Variants in HDAC9 observed in about 807,000 individuals in gnomAD.
The protein encoded by HDAC9 is histone deacetylase 9.
In HDAC9, 41 loss-of-function variants were observed where a neutral mutation model predicts 139.4. The ratio of observed to expected loss-of-function variants is 0.29; its 90% confidence interval spans 0.23 to 0.38. HDAC9 has a LOEUF of 0.38. Ranked by LOEUF, HDAC9 falls within the 10% of genes least tolerant of loss-of-function variation. The pLI, the probability that HDAC9 is intolerant of heterozygous loss-of-function variation, is 1.00. For missense variants in HDAC9, 1,147 were observed against 1,297.0 expected (o/e 0.88, Z 1.78); for synonymous variants, 517 against 476.2 (o/e 1.09, Z -1.12).
At chr7:18,703,316 C>A (rs1333714259) in intron 12 of HDAC9, among the ~76,000 whole-genome samples, 1 of 152,076 alleles carries the variant, frequency 6.6e-6, no homozygotes, top group Non-Finnish European at 1.5e-5. Flanking sequence ...ATATCCCTGA[C>A]TTCCTATTTT....
intron 16 of HDAC9, among the ~76,000 whole-genome samples, chr7:18,783,775 C>T (rs1047750872): frequency 1.7e-4 from 26 of 151,662 alleles, no homozygotes; most frequent in Admixed American, 3.9e-4. Flanking sequence ...ATATTCAACA[C>T]ATACATAGAT....
In HDAC9 at chr7:18,205,347, G is replaced by A. The variant is rs186202537; in HGVS notation, c.25+42998G>A. On this transcript the variant is annotated intron_variant, in intron 2 of 12. Coordinates refer to the HDAC9 transcript ENST00000417496. ...TAATGCTTGATAATATGCTTTAAAT[G>A]TAGTAGGTTCAGGTCTTCTTTTCCA... Among the ~76,000 whole-genome samples, 6 of 152,000 alleles carry A rather than the reference G, an allele frequency of 3.9e-5. No individual in the cohort carries two copies. In the East Asian group the frequency reaches 1.2e-3, roughly 29 times the overall value.
At chr7:18,135,249 TTC>T (rs959787671) in intron 1 of HDAC9, among the ~76,000 whole-genome samples, 4 of 135,192 alleles carry the variant, frequency 3.0e-5, no homozygotes, top group South Asian at 2.4e-4. Flanking sequence ...TTGCAAAAAT[TTC>T]TTTCTTTTTT....
At chr7:18,896,079 T>G (rs1469944840) in intron 22 of HDAC9, among the ~76,000 whole-genome samples, 4 of 152,098 alleles carry the variant, frequency 2.6e-5, no homozygotes, top group African/African-American at 9.7e-5. Context: ...CTTTTCCTAA[T>G]GTACATTAAA....
intron 6 of HDAC9, among the ~76,000 whole-genome samples, chr7:18,624,689 A>G (rs773129196): frequency 6.6e-6 from 1 of 152,002 alleles, no homozygotes; most frequent in South Asian, 2.1e-4. Context: ...AGAGCATTAA[A>G]AATAGAATTA....
chr7:18,535,692 T>TTTCTGGGGA (rs1810629994), intron 2 of HDAC9, among the ~76,000 whole-genome samples: 1 of 145,772 alleles, frequency 6.9e-6, no homozygotes, highest in South Asian at 2.1e-4. Flanking sequence ...TACAAACATT[T>TTTCTGGGGA]TTCTGGGGAT....
intron 23 of HDAC9, among the ~76,000 whole-genome samples, chr7:18,941,019 G>T (rs1292596005): frequency 6.6e-6 from 1 of 152,034 alleles, no homozygotes; most frequent in African/African-American, 2.4e-5. Flanking sequence ...AAAACAAATT[G>T]TCATAGGTCT....
In HDAC9 at chr7:18,326,105, G is replaced by T. The variant is rs115300669; in HGVS notation, c.-42+35590G>T. 4.5e-3 allele frequency among the ~76,000 whole-genome samples: 684 copies of T among 152,182 alleles called. 4 individuals carry two copies. Among genetic ancestry groups the T allele is most frequent in the African/African-American group, 0.015 (643 of 41,556 alleles). ...TTTTCAGGTGATACATTAGACCAAT[G>T]ATATTCTGACACAGCAGAAATGAAA... On this transcript the variant is annotated intron_variant, in intron 1 of 3. Coordinates refer to the HDAC9 transcript ENST00000413509.
At chr7:18,563,687 G>GATATATATATATGTCTCTA (rs1457126382) in intron 2 of HDAC9, among the ~76,000 whole-genome samples, 4 of 151,584 alleles carry the variant, frequency 2.6e-5, no homozygotes, top group Non-Finnish European at 5.9e-5. Flanking sequence ...TATATCTTTG[G>GATATATATATATGTCTCTA]TATGTTTTCT....
At chr7:18,280,719 T>A (rs1459875662) in intron 2 of HDAC9, among the ~76,000 whole-genome samples, 1 of 151,660 alleles carries the variant, frequency 6.6e-6, no homozygotes, top group East Asian at 1.9e-4. Flanking sequence ...GCCATGATTG[T>A]TCCACTGTAT....
At chr7:18,207,709 T>G (rs1403836678) in intron 2 of HDAC9, among the ~76,000 whole-genome samples, 3 of 151,838 alleles carry the variant, frequency 2.0e-5, no homozygotes, top group African/African-American at 7.3e-5. Context: ...TTATTAGATT[T>G]ATTTATTTAT....
At chr7:18,670,865 C>CT (rs371122947) in intron 12 of HDAC9, among the ~76,000 whole-genome samples, 13,891 of 146,042 alleles carry the variant, frequency 0.095, 1,140 homozygotes, top group African/African-American at 0.22. Flanking sequence ...GATTAGTACT[C>CT]TTTTTTTTTT....
intron 14 of HDAC9, among the ~76,000 whole-genome samples, chr7:18,752,684 T>C (rs1285576933): frequency 6.6e-6 from 1 of 152,122 alleles, no homozygotes; most frequent in East Asian, 1.9e-4. Context: ...CTCAGTTGTT[T>C]CAAAAGAGAG....
intron 12 of HDAC9, among the ~76,000 whole-genome samples, chr7:18,726,881 C>A (rs983886758): frequency 2.6e-5 from 4 of 151,944 alleles, no homozygotes; most frequent in African/African-American, 9.7e-5. Flanking sequence ...ACTGAATCTT[C>A]CATAAAATTC....
intron 2 of HDAC9, among the ~76,000 whole-genome samples, chr7:18,191,120 A>G (rs1376443169): frequency 2.0e-5 from 3 of 152,198 alleles, no homozygotes; most frequent in Non-Finnish European, 2.9e-5. Context: ...TTAATACCCT[A>G]CTGTTGACTG....
intron 1 of HDAC9, among the ~76,000 whole-genome samples, chr7:18,303,821 G>A (rs1798733334): frequency 6.6e-6 from 1 of 152,176 alleles, no homozygotes. Context: ...TTCCTTCCCC[G>A]TTCTGCTGGC....
intron 12 of HDAC9, among the ~76,000 whole-genome samples, chr7:18,672,778 A>C (rs1795742142): frequency 1.3e-5 from 2 of 152,016 alleles, no homozygotes; most frequent in African/African-American, 4.8e-5. Flanking sequence ...TTTCAAAGAG[A>C]TATGAACTTC....
rs34326798 is a variant in HDAC9 at position 18,554,327 on chromosome 7, CTTTTTTTTTTT to C, written c.23-30937_23-30927del. Among the ~76,000 whole-genome samples, 3 of 58,328 alleles carry C rather than the reference CTTTTTTTTTTT, an allele frequency of 5.1e-5. No homozygotes were observed. The South Asian group carries it at 2.8e-3, about 54-fold the overall frequency. 38.3% of individuals were successfully genotyped at this position (58,328 alleles called of 152,430 possible). A position where few individuals can be genotyped will look rare whatever the true frequency, so the allele number is the denominator to read the frequency against. ...GTACACCAACTGGTATTACAGATCA[CTTTTTTTTTTT>C]TTTTTTTTTTTTTTTTGAGACGGAG... On this transcript the variant is annotated intron_variant, in intron 2 of 25. Coordinates refer to ENST00000686413, the MANE Select transcript of HDAC9 (RefSeq NM_178425.4).
intron 12 of HDAC9, among the ~76,000 whole-genome samples, chr7:18,672,278 T>G (rs921765882): frequency 6.6e-6 from 1 of 152,044 alleles, no homozygotes; most frequent in Non-Finnish European, 1.5e-5. Context: ...ATTGTTGCTT[T>G]GATTTATATT....
Sources: allele counts gnomAD v4.1 joint callset (sites outside exome capture counted in the v4.1 genomes callset), GRCh38; gene constraint gnomAD v4.1.1; transcripts MANE v1.5; gene names NCBI Gene and HGNC (gene_info 2026-07-23, HGNC 2026-07-21).